Variants in ZGRF1 observed in about 807,000 individuals in gnomAD.
The protein encoded by ZGRF1 is zinc finger GRF-type containing 1.
A neutral mutation model predicts 203.5 loss-of-function variants in ZGRF1; 196 were observed. The observed-to-expected ratio is 0.96, with a 90% confidence interval of 0.86 to 1.08. The LOEUF (loss-of-function observed/expected upper bound fraction) is 1.08, where lower values mean the gene tolerates loss of function less well. ZGRF1 is among the 50% of genes least tolerant of loss of function. ZGRF1 has a pLI of 0.00. For synonymous variants in ZGRF1, 809 were observed against 841.3 expected, an observed-to-expected ratio of 0.96 and a Z score of 0.66; for missense variants, 2,326 against 2,416.3, an observed-to-expected ratio of 0.96 and a Z score of 0.78.
At position 112,586,587 on chromosome 4, in the gene ZGRF1, C is replaced by T. The variant is rs1329835717; in HGVS notation, c.3778-4G>A. On this transcript the variant is annotated splice_polypyrimidine_tract_variant and splice_region_variant and intron_variant, in intron 12 of 27. Coordinates refer to ENST00000505019, the MANE Select transcript of ZGRF1 (RefSeq NM_018392.5). Reference sequence around the variant, plus strand: ...ACAGCTCAGAGCCACTTATCTCCTGCAATGGAATAATTCAAGTTATCATAG... The same window carrying T: ...ACAGCTCAGAGCCACTTATCTCCTGTAATGGAATAATTCAAGTTATCATAG... 2.5e-6 allele frequency: 4 copies of T among 1,594,994 alleles called. No homozygotes were observed. The highest frequency in any genetic ancestry group is 1.3e-5 in the African/African-American group (1 of 74,452).
At chr4:112,565,098 GA>G (rs1258025414) in intron 16 of ZGRF1, 1 of 1,343,590 alleles carries the variant, frequency 7.4e-7, no homozygotes, top group Non-Finnish European at 1.1e-6. Flanking sequence ...GAGGGGTGAA[GA>G]AACCTCATCG....
intron 10 of ZGRF1, among the ~76,000 whole-genome samples, chr4:112,594,875 A>G (rs1748734876): frequency 6.6e-6 from 1 of 152,110 alleles, no homozygotes; most frequent in Non-Finnish European, 1.5e-5. Context: ...GTTTCCTGTC[A>G]TATTTCAAAG....
chr4:112,582,374 T>C (rs1372372961), intron 15 of ZGRF1, among the ~76,000 whole-genome samples: 1 of 152,036 alleles, frequency 6.6e-6, no homozygotes, highest in African/African-American at 2.4e-5. Flanking sequence ...CATCATTCTA[T>C]TCTCTTACTT....
intron 1 of ZGRF1, among the ~76,000 whole-genome samples, chr4:112,634,557 A>C (rs2047517426): frequency 6.6e-6 from 1 of 152,088 alleles, no homozygotes; most frequent in South Asian, 2.1e-4. Flanking sequence ...AGGCTGAGGC[A>C]GGAGAATCAC....
chr4:112,587,393 C>A lies in ZGRF1; in HGVS notation c.3664G>T (p.Val1222Phe). ...QRQDFSSQDS[V>F]SRKKVLSLNL... is the part of the protein sequence containing the mutation. Reference sequence around the variant, plus strand: ...AGAGAAAGTACTTTCTTTCTGGAAACCGAATCTTGACTGCTAAAATCCTGC... The same window carrying A: ...AGAGAAAGTACTTTCTTTCTGGAAAACGAATCTTGACTGCTAAAATCCTGC... The change falls in exon 12 of 28, where the codon GTT (valine) becomes TTT (phenylalanine). Residue 1222 changes from valine to phenylalanine, a missense_variant. By Grantham distance (50) the Val-to-Phe change is conservative. Transcript: ENST00000505019. 6 of 1,613,876 alleles carry A rather than the reference C, an allele frequency of 3.7e-6. No individual in the cohort carries two copies. Among genetic ancestry groups the A allele is most frequent in the Non-Finnish European group, 5.1e-6 (6 of 1,179,850 alleles).
chr4:112,562,562 T>A (rs1444200424), intron 17 of ZGRF1, 77 bp from the exon 18 acceptor site: 13 of 830,176 alleles, frequency 1.6e-5, no homozygotes, highest in Non-Finnish European at 2.0e-5. Flanking sequence ...AATGCCCACA[T>A]AACTCAGAGT....
At chr4:112,584,264 C>G in intron 14 of ZGRF1, 90 bp from the exon 15 acceptor site, 6 of 776,490 alleles carry the variant, frequency 7.7e-6, no homozygotes, top group Non-Finnish European at 1.2e-5. Flanking sequence ...TCTATGAAGA[C>G]TGCTTGGCAT....
intron 24 of ZGRF1, among the ~76,000 whole-genome samples, chr4:112,542,067 G>A (rs750072059): frequency 1.3e-5 from 2 of 152,068 alleles, no homozygotes; most frequent in African/African-American, 4.8e-5. Context: ...CACGCCAGGC[G>A]CAGTGGTTCA....
intron 16 of ZGRF1, among the ~76,000 whole-genome samples, chr4:112,566,536 C>T (rs1048374762): frequency 4.0e-5 from 6 of 151,504 alleles, no homozygotes; most frequent in Non-Finnish European, 7.4e-5. Context: ...AAATTTTTTA[C>T]TTACTGAATT....
At chr4:112,617,354 A>C (rs530914267) in intron 6 of ZGRF1, 86 bp downstream of exon 6, 2 of 958,146 alleles carry the variant, frequency 2.1e-6, no homozygotes, top group African/African-American at 1.7e-5. Context: ...TAATTCTTTA[A>C]TGTATCACCC....
At chr4:112,631,239 C>T (rs919776502) in intron 3 of ZGRF1, among the ~76,000 whole-genome samples, 3 of 152,148 alleles carry the variant, frequency 2.0e-5, no homozygotes, top group Non-Finnish European at 4.4e-5. Flanking sequence ...AGGCTTCAAG[C>T]AATCTTCCTG....
chr4:112,588,469 G>A (rs1007427717), intron 11 of ZGRF1, among the ~76,000 whole-genome samples: 2 of 152,054 alleles, frequency 1.3e-5, no homozygotes, highest in Admixed American at 1.3e-4. Context: ...ACCCTTCAGA[G>A]TAAAAAAAGA....
chr4:112,563,008 A>G, intron 17 of ZGRF1, 123 bp downstream of exon 17: 1 of 616,930 alleles, frequency 1.6e-6, no homozygotes, highest in Non-Finnish European at 2.7e-6. Context: ...CATTTTCAGG[A>G]ACTCACTGTA....
intron 1 of ZGRF1, among the ~76,000 whole-genome samples, chr4:112,634,283 A>G (rs2047506322): frequency 6.6e-6 from 1 of 152,162 alleles, no homozygotes; most frequent in Admixed American, 6.5e-5. Context: ...CTTGGTGTGG[A>G]TCATCAAACA....
chr4:112,610,206 G>C (rs1355906653), intron 7 of ZGRF1, among the ~76,000 whole-genome samples: 1 of 152,078 alleles, frequency 6.6e-6, no homozygotes, highest in Non-Finnish European at 1.5e-5. Flanking sequence ...AATTTAAAAA[G>C]CTTACAACGG....
rs147854711 is a variant in ZGRF1, at chr4:112,573,516, C to T, written c.4438+8147G>A. On this transcript the variant is annotated intron_variant, in intron 16 of 27. Coordinates refer to ENST00000505019, the MANE Select transcript of ZGRF1 (RefSeq NM_018392.5). ...AAATCACTACTAAAGAGCTTATTCACGTAACCAAACACCACCTGTTCCCTC... is the reference window on the plus strand; with the variant it reads ...AAATCACTACTAAAGAGCTTATTCATGTAACCAAACACCACCTGTTCCCTC... Among the ~76,000 whole-genome samples, 910 of 152,016 alleles carry T rather than the reference C, an allele frequency of 6.0e-3. 16 individuals carry two copies. The highest frequency in any genetic ancestry group is 0.02 in the African/African-American group (818 of 41,482).
intron 9 of ZGRF1, among the ~76,000 whole-genome samples, chr4:112,605,152 C>A (rs1282316822): frequency 6.6e-6 from 1 of 151,310 alleles, no homozygotes. Context: ...GAAACAGGTA[C>A]ATTACCTCCC....
Position 112,589,785 on chromosome 4 carries a change from G to T in ZGRF1, c.3066C>A (p.Phe1022Leu). The change falls in exon 11 of 28, where the codon TTC becomes TTA. Residue 1022 changes from phenylalanine to leucine, a missense_variant. Physicochemically the swap from Phe to Leu is conservative, Grantham distance 22. Coordinates refer to ENST00000505019, the MANE Select transcript of ZGRF1 (RefSeq NM_018392.5). ...NSRDEDFMVEFSETSLKARTL... is the reference protein window; with the variant it reads ...NSRDEDFMVELSETSLKARTL... ...TTCTTGCTTTCAGGGACGTCTCAGA[G>T]AATTCTACCATGAAGTCTTCATCTC... 1.2e-6 allele frequency: 2 copies of T among 1,613,674 alleles called. No homozygotes were observed. The highest frequency in any genetic ancestry group is 1.7e-6 in the Non-Finnish European group (2 of 1,179,694).
chr4:112,566,522 A>T (rs10008992), intron 16 of ZGRF1, among the ~76,000 whole-genome samples: 22,887 of 149,146 alleles, frequency 0.15, 2,009 homozygotes, highest in East Asian at 0.42. Flanking sequence ...AATAAATAAA[A>T]AATAAATTTT....
Sources: gnomAD v4.1 joint callset for allele counts (sites outside exome capture counted in the v4.1 genomes callset) on GRCh38, gnomAD v4.1.1 for gene constraint, MANE v1.5 for transcripts, NCBI Gene and HGNC (gene_info 2026-07-23, HGNC 2026-07-21) for gene names.